The following GRM5 variants were observed in gnomAD, a reference collection of about 807,000 sequenced individuals.
The protein encoded by GRM5 is glutamate metabotropic receptor 5, also known as metabotropic glutamate receptor 5.
GRM5 carries 19 observed loss-of-function variants against 83.1 expected under a neutral mutation model. The observed-to-expected ratio is 0.23, with a 90% CI of 0.16 to 0.34. The LOEUF (loss-of-function observed/expected upper bound fraction) is 0.34. GRM5 is among the 10% of genes least tolerant of loss of function. The probability of loss-of-function intolerance (pLI) is 1.00; values close to 1 mark genes in which losing one functional copy is unlikely to be tolerated. For synonymous variants in GRM5, 675 were observed against 633.6 expected (o/e 1.07, Z -0.98); for missense variants, 1,160 against 1,588.3 (o/e 0.73, Z 4.58).
At chr11:88,905,288 G>T (rs541279) in intron 2 of GRM5, among the ~76,000 whole-genome samples, 138,960 of 152,194 alleles carry the variant, frequency 0.91, 63,806 homozygotes, top group South Asian at 0.97. Context: ...GCAAAAGATA[G>T]GCCCGTGTGG....
chr11:88,705,408 T>C (rs920994602), intron 3 of GRM5, among the ~76,000 whole-genome samples: 1 of 152,102 alleles, frequency 6.6e-6, no homozygotes, highest in African/African-American at 2.4e-5. Context: ...GCTTTAGGAT[T>C]CAGTCACCTC....
chr11:88,851,268 A>G (rs1944386110), intron 2 of GRM5, among the ~76,000 whole-genome samples: 1 of 152,114 alleles, frequency 6.6e-6, no homozygotes, highest in South Asian at 2.1e-4. Context: ...AAAATATTAG[A>G]TATATAAGGG....
At chr11:88,547,759 T>C (rs1942417705) in intron 8 of GRM5, among the ~76,000 whole-genome samples, 1 of 152,162 alleles carries the variant, frequency 6.6e-6, no homozygotes, top group Non-Finnish European at 1.5e-5. Context: ...AAGCTGGGCA[T>C]ACAGGCTCAA....
chr11:88,796,476 C>T (rs1482927991), intron 3 of GRM5, among the ~76,000 whole-genome samples: 1 of 152,084 alleles, frequency 6.6e-6, no homozygotes, highest in Non-Finnish European at 1.5e-5. Context: ...ATACATATGA[C>T]ACTCACCACA....
At chr11:88,868,828 G>A (rs1286086662) in intron 2 of GRM5, among the ~76,000 whole-genome samples, 1 of 151,732 alleles carries the variant, frequency 6.6e-6, no homozygotes, top group African/African-American at 2.4e-5. Context: ...AATTGGAACA[G>A]ATATAACCCC....
chr11:88,917,761 G>C (rs1945619253), intron 2 of GRM5, among the ~76,000 whole-genome samples: 1 of 151,992 alleles, frequency 6.6e-6, no homozygotes. Context: ...TTGTGTGCTT[G>C]AACAGGCTAT....
At chr11:89,017,451 T>A (rs1186400936) in intron 2 of GRM5, among the ~76,000 whole-genome samples, 3 of 152,222 alleles carry the variant, frequency 2.0e-5, no homozygotes, top group Non-Finnish European at 2.9e-5. Flanking sequence ...CACCAGCTAC[T>A]GTGTTTTACT....
At chr11:88,699,282 A>T (rs7943350) in intron 3 of GRM5, among the ~76,000 whole-genome samples, 147,978 of 151,960 alleles carry the variant, frequency 0.97, 72,185 homozygotes, top group East Asian at 1. Context: ...AGCATTTTTT[A>T]AAAAAAGCAT....
intron 9 of GRM5, among the ~76,000 whole-genome samples, chr11:88,510,550 C>A (rs944935528): frequency 6.6e-6 from 1 of 152,086 alleles, no homozygotes; most frequent in South Asian, 2.1e-4. Flanking sequence ...GAGTTTTGCT[C>A]TTGTTGCCCA....
intron 2 of GRM5, among the ~76,000 whole-genome samples, chr11:88,869,546 G>A (rs1182215964): frequency 6.6e-6 from 1 of 151,234 alleles, no homozygotes; most frequent in Non-Finnish European, 1.5e-5. Flanking sequence ...TTTTAAAAGT[G>A]TTATAATAAT....
intron 3 of GRM5, among the ~76,000 whole-genome samples, chr11:88,751,495 G>A (rs918201687): frequency 2.0e-5 from 3 of 152,114 alleles, no homozygotes; most frequent in Admixed American, 1.3e-4. Context: ...CTCAGGACCA[G>A]ACAGATTCAC....
Position 88,509,323 on chromosome 11 carries a change from T to G in GRM5, c.2908A>C (p.Ser970Arg). 6.3e-7 allele frequency: 1 copy of G among 1,595,056 alleles called. No individual in the cohort carries two copies. Among genetic ancestry groups the G allele is most frequent in the South Asian group, 1.1e-5 (1 of 89,280 alleles). ...GLGAGAGAGG[S>R]AGGVGATGGA... Reference sequence around the variant, plus strand: ...CCCGTGGCCCCCACGCCCCCAGCGCTCCCGCCTGCGCCAGCGCCAGCGCCC... The same window carrying G: ...CCCGTGGCCCCCACGCCCCCAGCGCGCCCGCCTGCGCCAGCGCCAGCGCCC... Residue 970 changes from serine to arginine, a missense_variant, in exon 10 of 10, where the codon AGC (serine) becomes CGC (arginine). By Grantham distance (110) the Ser-to-Arg change is moderately radical (BLOSUM62 -1). Coordinates refer to ENST00000305447, the MANE Select transcript of GRM5 (RefSeq NM_001143831.3).
intron 3 of GRM5, among the ~76,000 whole-genome samples, chr11:88,668,618 C>T (rs779300908): frequency 1.3e-5 from 2 of 151,840 alleles, no homozygotes; most frequent in Non-Finnish European, 2.9e-5. Flanking sequence ...TTTGGTATAC[C>T]CCAGGAATGA....
intron 3 of GRM5, among the ~76,000 whole-genome samples, chr11:88,805,107 G>C (rs1387277542): frequency 1.3e-5 from 2 of 152,136 alleles, no homozygotes; most frequent in East Asian, 3.8e-4. Flanking sequence ...TTAAAGACCT[G>C]GAGCCAGAGT....
chr11:88,620,285 T>C (rs1444061417), intron 4 of GRM5, among the ~76,000 whole-genome samples: 5 of 152,232 alleles, frequency 3.3e-5, no homozygotes, highest in Admixed American at 2.6e-4. Context: ...GCAATCCATT[T>C]CTTCATTTTG....
intron 2 of GRM5, among the ~76,000 whole-genome samples, chr11:88,999,571 TAA>T (rs1940302605): frequency 6.6e-6 from 1 of 152,096 alleles, no homozygotes; most frequent in African/African-American, 2.4e-5. Context: ...TGGTGATCAT[TAA>T]AAAGTCAGGA....
At chr11:88,573,328 C>T (rs1370013659) in intron 7 of GRM5, among the ~76,000 whole-genome samples, 1 of 152,146 alleles carries the variant, frequency 6.6e-6, no homozygotes, top group Non-Finnish European at 1.5e-5. Context: ...TGATGTGACT[C>T]CTCATTCACA....
chr11:88,926,368 T>C (rs1945789785), intron 2 of GRM5, among the ~76,000 whole-genome samples: 1 of 152,250 alleles, frequency 6.6e-6, no homozygotes, highest in South Asian at 2.1e-4. Flanking sequence ...AAAGATAACA[T>C]TTTATGGGTA....
intron 3 of GRM5, among the ~76,000 whole-genome samples, chr11:88,753,907 C>A (rs746553579): frequency 1.3e-5 from 2 of 152,092 alleles, no homozygotes; most frequent in Admixed American, 1.3e-4. Flanking sequence ...GGGAAACTCC[C>A]GTTTTTAAAA....
Sources: gnomAD v4.1 joint callset for allele counts (sites outside exome capture counted in the v4.1 genomes callset) on GRCh38, gnomAD v4.1.1 for gene constraint, MANE v1.5 for transcripts, NCBI Gene and HGNC (gene_info 2026-07-23, HGNC 2026-07-21) for gene names.